USP26: variants seen among roughly 807,000 people sequenced by gnomAD.
USP26 encodes ubiquitin specific peptidase 26, also known as ubiquitin carboxyl-terminal hydrolase 26.
For synonymous variants in USP26, 236 were observed against 240.6 expected (o/e 0.98, Z 0.18); for missense variants, 649 against 642.3 (o/e 1.01, Z -0.11).
chrX:133,081,550 C>A (rs1000168974), intron 5 of USP26, among the ~76,000 whole-genome samples: 1 of 111,340 alleles, frequency 9.0e-6, no homozygotes, highest in Non-Finnish European at 1.9e-5. Flanking sequence ...CAAGCCTCAG[C>A]CTCCCAAAGT....
chrX:133,051,714 T>A (rs974074350), intron 5 of USP26, among the ~76,000 whole-genome samples: 4 of 112,427 alleles, frequency 3.6e-5, no homozygotes, highest in Non-Finnish European at 5.6e-5. Flanking sequence ...TTTTCTGTGA[T>A]ATGACAGTTA....
In USP26 at chrX:133,024,777, T is replaced by C. The variant is rs1189372560; in HGVS notation, c.*702A>G. On this transcript the variant is annotated 3_prime_UTR_variant, in exon 6 of 6. Transcript: ENST00000511190. Reference sequence around the variant, plus strand: ...AGTGTATGTAGTACAGTAGTGGTTCTCAAACTGTATCAAGCATCACGGTCT... The same window carrying C: ...AGTGTATGTAGTACAGTAGTGGTTCCCAAACTGTATCAAGCATCACGGTCT... 1 of 111,520 alleles carries C rather than the reference T, an allele frequency of 9.0e-6. No homozygotes were observed. The highest frequency in any genetic ancestry group is 3.3e-5 in the African/African-American group (1 of 30,594). The allele number at this position is 111,520 out of a possible 1,213,427, so 9.2% of individuals were successfully genotyped here. A position where few individuals can be genotyped will look rare whatever the true frequency, so the allele number is the denominator to read the frequency against.
intron 5 of USP26, among the ~76,000 whole-genome samples, chrX:133,064,117 C>A (rs748591954): frequency 2.7e-5 from 3 of 111,641 alleles, no homozygotes; most frequent in Non-Finnish European, 5.7e-5. Context: ...CAACAAAGAT[C>A]AAAAAAGACA....
At chrX:133,080,917 T>C (rs1249040722) in intron 5 of USP26, among the ~76,000 whole-genome samples, 1 of 111,727 alleles carries the variant, frequency 9.0e-6, no homozygotes, top group Non-Finnish European at 1.9e-5. Flanking sequence ...CAAAGGTGTT[T>C]AGAAAGAAAT....
intron 5 of USP26, among the ~76,000 whole-genome samples, chrX:133,042,004 A>G (rs2067421468): frequency 8.9e-6 from 1 of 111,856 alleles, no homozygotes; most frequent in African/African-American, 3.2e-5. Context: ...TCTCCTTAGC[A>G]TTGTCAGGGT....
At chrX:133,089,950 A>ACCC (rs1163598891) in intron 4 of USP26, among the ~76,000 whole-genome samples, 163 bp downstream of exon 4, 3 of 111,785 alleles carry the variant, frequency 2.7e-5, no homozygotes, top group Middle Eastern at 4.6e-3. Context: ...ACACAGTGAG[A>ACCC]CCCCACTCTA....
chrX:133,041,930 A>T (rs1442421275), intron 5 of USP26, among the ~76,000 whole-genome samples: 1 of 112,384 alleles, frequency 8.9e-6, no homozygotes, highest in African/African-American at 3.2e-5. Flanking sequence ...GAATCTAGAG[A>T]GGCAGTCTGG....
chrX:133,034,900 G>A (rs1320144470), intron 5 of USP26, among the ~76,000 whole-genome samples: 1 of 111,396 alleles, frequency 9.0e-6, no homozygotes, highest in Non-Finnish European at 1.9e-5. Flanking sequence ...TTCATTAATA[G>A]AGAACACTGT....
chrX:133,057,650 T>C (rs1255969443), intron 5 of USP26, among the ~76,000 whole-genome samples: 2 of 106,708 alleles, frequency 1.9e-5, no homozygotes, highest in Non-Finnish European at 1.9e-5. Context: ...TTTTGCTACA[T>C]CCCTACAGAT....
chrX:133,065,016 T>C (rs917104657), intron 5 of USP26, among the ~76,000 whole-genome samples: 1 of 111,057 alleles, frequency 9.0e-6, no homozygotes, highest in Non-Finnish European at 1.9e-5. Context: ...AAGAATCAAA[T>C]AGACACAATA....
intron 4 of USP26, among the ~76,000 whole-genome samples, chrX:133,086,631 GC>G (rs937946918): frequency 9.0e-6 from 1 of 110,501 alleles, no homozygotes; most frequent in Non-Finnish European, 1.9e-5. Context: ...TAATAATAAG[GC>G]CGGACGCAGT....
At chrX:133,035,190 G>C (rs1231206069) in intron 5 of USP26, among the ~76,000 whole-genome samples, 1 of 112,133 alleles carries the variant, frequency 8.9e-6, no homozygotes, top group Non-Finnish European at 1.9e-5. Context: ...GGAGGCAAAA[G>C]TGAAAGCAAG....
At chrX:133,038,407 C>T (rs1298651796) in intron 5 of USP26, among the ~76,000 whole-genome samples, 2 of 111,895 alleles carry the variant, frequency 1.8e-5, no homozygotes, top group Admixed American at 9.5e-5. Context: ...GCCTTTTCCG[C>T]ATCCATTGAG....
intron 5 of USP26, among the ~76,000 whole-genome samples, chrX:133,044,171 T>A (rs2067429262): frequency 8.9e-6 from 1 of 112,849 alleles, no homozygotes; most frequent in Non-Finnish European, 1.9e-5. Flanking sequence ...GGAAAACAAA[T>A]CACAAGCTGA....
chrX:133,047,699 G>T (rs56296758), intron 5 of USP26, among the ~76,000 whole-genome samples: 42 of 111,440 alleles, frequency 3.8e-4, no homozygotes, highest in African/African-American at 1.1e-3. Flanking sequence ...GGTCATGAGG[G>T]CAGAGGCCTT....
intron 4 of USP26, among the ~76,000 whole-genome samples, chrX:133,088,800 A>G (rs2067597869): frequency 8.9e-6 from 1 of 112,190 alleles, no homozygotes; most frequent in Admixed American, 9.5e-5. Context: ...AGTGGGTAGA[A>G]CAAGTGTGTG....
intron 2 of USP26, 126 bp downstream of exon 2, chrX:133,091,227 T>A (rs1347894093): frequency 8.9e-6 from 1 of 112,172 alleles, no homozygotes; most frequent in East Asian, 2.8e-4. Flanking sequence ...CAAATAAATG[T>A]CACAAGTGGA....
chrX:133,075,220 C>T (rs1216845198), intron 5 of USP26, among the ~76,000 whole-genome samples: 1 of 111,765 alleles, frequency 8.9e-6, no homozygotes, highest in African/African-American at 3.3e-5. Flanking sequence ...TAAGATTTCT[C>T]GACCTAAACT....
intron 5 of USP26, among the ~76,000 whole-genome samples, chrX:133,032,354 G>A (rs967182296): frequency 2.7e-5 from 3 of 111,587 alleles, no homozygotes; most frequent in African/African-American, 9.8e-5. Flanking sequence ...TAAATGTAGG[G>A]TGCCCCAGGC....
Sources: allele counts gnomAD v4.1 joint callset (sites outside exome capture counted in the v4.1 genomes callset), GRCh38; gene constraint gnomAD v4.1.1; transcripts MANE v1.5; gene names NCBI Gene and HGNC (gene_info 2026-07-23, HGNC 2026-07-21).